The following HMGCL variants were observed in gnomAD, a reference collection of about 807,000 sequenced individuals.
HMGCL encodes the protein hydroxymethylglutaryl-CoA lyase, mitochondrial.
HMGCL carries 26 observed loss-of-function variants against 37.3 expected under a neutral mutation model. The ratio of observed to expected loss-of-function variants is 0.70; its 90% CI spans 0.51 to 0.97. The LOEUF (loss-of-function observed/expected upper bound fraction) is 0.97, where lower values mean the gene tolerates loss of function less well. Among genes scored for constraint, HMGCL ranks in the 50% least tolerant of loss-of-function variants. The pLI is 0.00. For missense variants in HMGCL, 379 were observed against 398.1 expected, an observed-to-expected ratio of 0.95 and a Z score of 0.41; for synonymous variants, 151 against 148.0, an observed-to-expected ratio of 1.02 and a Z score of -0.15.
At position 23,806,071 on chromosome 1, in the gene HMGCL, C is replaced by G. The variant is rs1249676723; in HGVS notation, c.751-1546G>C. Among the ~76,000 whole-genome samples, 1 of 152,144 alleles carries G rather than the reference C, an allele frequency of 6.6e-6. No individual in the cohort carries two copies. The highest frequency in any genetic ancestry group is 6.5e-5 in the Admixed American group (1 of 15,278). On this transcript the variant is annotated intron_variant, in intron 7 of 8. Transcript: ENST00000374490. This position sits in a 1 kb window ranked among gnomAD's most constrained non-coding sequence, Gnocchi z 4.0. ...GGCTCAAGTGATTCTCATGCCTCAGCCTCGCAAATAGCTGGGATTACAGGC... is the reference window on the plus strand; with the variant it reads ...GGCTCAAGTGATTCTCATGCCTCAGGCTCGCAAATAGCTGGGATTACAGGC...
chr1:23,804,623 C>T, intron 7 of HMGCL, 98 bp from the exon 8 acceptor site: 1 of 1,320,702 alleles, frequency 7.6e-7, no homozygotes, highest in Non-Finnish European at 1.1e-6. Flanking sequence ...GCCTGAAATT[C>T]TAGAGTCATT....
At chr1:23,813,990 G>A in intron 5 of HMGCL, 200 bp downstream of exon 5, 1 of 637,408 alleles carries the variant, frequency 1.6e-6, no homozygotes. Context: ...CTGGTAAACT[G>A]ACCCAAAATT....
At position 23,820,565 on chromosome 1, in the gene HMGCL, G is replaced by A. The variant is rs1638700415; in HGVS notation, c.89C>T (p.Pro30Leu). Residue 30 changes from proline to leucine, a missense_variant, in exon 2 of 9, where the codon CCA (proline) becomes CTA (leucine). By Grantham distance (98) the Pro-to-Leu change is moderately conservative. Transcript: ENST00000374490. ...AACTTCCACAATTTTCACCCGCTTT[G>A]GTAAAGTGCCCATAGATGAGGTGCT... ...AVSTSSMGTL[P>L]KRVKIVEVGP... 6.2e-7 allele frequency: 1 copy of A among 1,613,878 alleles called. No homozygotes were observed. The highest frequency in any genetic ancestry group is 1.7e-5 in the Admixed American group (1 of 59,988).
chr1:23,807,386 C>A lies in HMGCL; in HGVS notation c.750+749G>T, dbSNP rs74062789. ...ATAACAGACTCACCTGGCTTAGACA[C>A]GAACCTCTAGGGGATAATTGAGAGG... On this transcript the variant is annotated intron_variant, in intron 7 of 8. Transcript: ENST00000374490. 45 of 383,390 alleles carry A rather than the reference C, an allele frequency of 1.2e-4. No homozygotes were observed. The East Asian group carries it at 2.8e-3, about 24-fold the overall frequency. The allele number at this position is 383,390 out of a possible 1,614,324, so 23.7% of individuals were successfully genotyped here.
At position 23,808,187 on chromosome 1, in the gene HMGCL, TGGACAGCCA is replaced by T. The variant is rs2148419082; in HGVS notation, c.689_697del (p.Leu230_Val232del). 2 of 1,614,052 alleles carry T rather than the reference TGGACAGCCA, an allele frequency of 1.2e-6. No individual in the cohort carries two copies. The highest frequency in any genetic ancestry group is 2.7e-5 in the African/African-American group (2 of 74,992). On this transcript the variant is annotated inframe_deletion, in exon 7 of 9. Transcript: ENST00000374490. ...GGCTTGACCATAGGTGTCATGGCAGTGGACAGCCAGGGCAGCCAGAGGCACTTCCTGCAT... is the reference window on the plus strand; with the variant it reads ...GGCTTGACCATAGGTGTCATGGCAGTGGGCAGCCAGAGGCACTTCCTGCAT...
chr1:23,810,701 C>T lies in HMGCL; in HGVS notation c.561+35G>A, dbSNP rs371884318. ...TCAGGGGCAGACAAGGTGGCCAACC[C>T]TCACCAAACCCCCCGCCCTGACACA... On this transcript the variant is annotated intron_variant, in intron 6 of 8. Transcript: ENST00000374490. 15 of 1,605,666 alleles carry T rather than the reference C, an allele frequency of 9.3e-6. No homozygotes were observed. In the Admixed American group the frequency reaches 1.5e-4, roughly 16 times the overall value.
At chr1:23,804,360 C>G (rs1638360598) in intron 8 of HMGCL, 40 bp downstream of exon 8, 5 of 1,613,026 alleles carry the variant, frequency 3.1e-6, no homozygotes, top group Non-Finnish European at 4.2e-6. Flanking sequence ...GCCCCCTGGT[C>G]AGTTCGGGGC....
intron 5 of HMGCL, among the ~76,000 whole-genome samples, chr1:23,813,227 GTTTTTTTTTT>G (rs58260499): frequency 3.8e-4 from 27 of 70,814 alleles, no homozygotes; most frequent in South Asian, 1.1e-3. Context: ...TGGCTGCAAT[GTTTTTTTTTT>G]TTTTTTTTTT....
chr1:23,816,490 G>T, intron 4 of HMGCL, 185 bp downstream of exon 4: 1 of 697,662 alleles, frequency 1.4e-6, no homozygotes, highest in East Asian at 2.6e-5. Flanking sequence ...CTATTTTATA[G>T]GCTTGTCAAC....
At chr1:23,814,139 C>G in intron 5 of HMGCL, 51 bp downstream of exon 5, 1 of 1,604,056 alleles carries the variant, frequency 6.2e-7, no homozygotes, top group Non-Finnish European at 8.5e-7. Context: ...CAGAGTCTAG[C>G]CCCATTCCAG....
chr1:23,822,202 T>G (rs757952354), intron 1 of HMGCL, among the ~76,000 whole-genome samples: 40 of 151,298 alleles, frequency 2.6e-4, no homozygotes, highest in Admixed American at 1.1e-3. Context: ...TGGGGAGGAG[T>G]AGTCAGTCCT....
intron 2 of HMGCL, among the ~76,000 whole-genome samples, 178 bp from the exon 3 acceptor site, chr1:23,817,761 A>G (rs1638638310): frequency 6.6e-6 from 1 of 152,196 alleles, no homozygotes; most frequent in Admixed American, 6.5e-5. Flanking sequence ...CCGTAAGTAA[A>G]TGTGTGTTAA....
chr1:23,815,326 G>A (rs1323083041), intron 4 of HMGCL, among the ~76,000 whole-genome samples: 1 of 152,012 alleles, frequency 6.6e-6, no homozygotes, highest in Non-Finnish European at 1.5e-5. Flanking sequence ...GCCAAGGACT[G>A]CTGGCCACCA....
At chr1:23,810,590 C>A in intron 6 of HMGCL, 146 bp downstream of exon 6, 1 of 722,614 alleles carries the variant, frequency 1.4e-6, no homozygotes, top group Non-Finnish European at 2.5e-6. Context: ...CAGGGCTGTG[C>A]TCACAGCAGG....
intron 5 of HMGCL, among the ~76,000 whole-genome samples, chr1:23,812,894 T>C (rs940918138): frequency 6.6e-6 from 1 of 152,130 alleles, no homozygotes; most frequent in Admixed American, 6.5e-5. Flanking sequence ...GGGGTTTTTT[T>C]GGTTTTTGTT....
chr1:23,815,423 T>C (rs1372315401), intron 4 of HMGCL, among the ~76,000 whole-genome samples: 1 of 152,048 alleles, frequency 6.6e-6, no homozygotes, highest in East Asian at 1.9e-4. Flanking sequence ...TTGGGACTTC[T>C]GGCCTCCAGA....
intron 5 of HMGCL, 54 bp downstream of exon 5, chr1:23,814,136 T>C: frequency 1.2e-6 from 2 of 1,601,110 alleles, no homozygotes; most frequent in Non-Finnish European, 1.7e-6. Context: ...AGTCAGAGTC[T>C]AGCCCCATTC....
In HMGCL at chr1:23,814,746, G is replaced by T. The variant is rs143128211; in HGVS notation, c.349-408C>A. On this transcript the variant is annotated intron_variant, in intron 4 of 8. Coordinates refer to ENST00000374490, the MANE Select transcript of HMGCL (RefSeq NM_000191.3). The stretch of plus-strand genomic sequence containing the variant: ...AAGGTAAATTTTATGTTATGTGAAT[G>T]TTATGGGTTGAATTGTGTCCTCCTA... Among the ~76,000 whole-genome samples the T allele has an allele frequency of 1.3e-4, 20 of 152,262 alleles. No individual in the cohort carries two copies. The East Asian group carries it at 3.7e-3, about 28-fold the overall frequency.
chr1:23,822,651 T>A (rs963231605), intron 1 of HMGCL, among the ~76,000 whole-genome samples: 1 of 152,182 alleles, frequency 6.6e-6, no homozygotes, highest in African/African-American at 2.4e-5. Flanking sequence ...ACTAAGGCGA[T>A]GAGCCATTGA....
Sources: gnomAD v4.1 joint callset for allele counts (sites outside exome capture counted in the v4.1 genomes callset) on GRCh38, gnomAD v4.1.1 for gene constraint, Gnocchi (gnomAD v3.1) non-coding constraint, MANE v1.5 for transcripts, NCBI Gene and HGNC (gene_info 2026-07-23, HGNC 2026-07-21) for gene names.